The following MICAL3 variants were observed in gnomAD, a reference collection of about 807,000 sequenced individuals.
MICAL3 encodes [F-actin]-monooxygenase MICAL3.
A neutral mutation model predicts 207.4 loss-of-function variants in MICAL3; 62 were observed. The ratio of observed to expected loss-of-function variants is 0.30; its 90% CI spans 0.24 to 0.37. The LOEUF is 0.37. Among genes scored for constraint, MICAL3 ranks in the 10% least tolerant of loss-of-function variants. MICAL3 has a pLI of 1.00. For missense variants in MICAL3, 2,368 were observed against 2,635.6 expected (o/e 0.90, Z 2.22); for synonymous variants, 1,077 against 1,069.3 (o/e 1.01, Z -0.14).
chr22:17,963,973 TG>T (rs1314529993), intron 1 of MICAL3, among the ~76,000 whole-genome samples: 1 of 152,192 alleles, frequency 6.6e-6, no homozygotes, highest in Non-Finnish European at 1.5e-5. Flanking sequence ...TCGCAAATTT[TG>T]TAACACAATG....
At chr22:17,908,162 A>G (rs1456756461) in intron 1 of MICAL3, among the ~76,000 whole-genome samples, 2 of 152,210 alleles carry the variant, frequency 1.3e-5, no homozygotes, top group Non-Finnish European at 2.9e-5. Context: ...TCAGGGTGAC[A>G]AGACGAGTGT....
chr22:17,891,338 T>C (rs767981109), intron 12 of MICAL3, 147 bp downstream of exon 12: 2 of 662,162 alleles, frequency 3.0e-6, no homozygotes, highest in Non-Finnish European at 5.3e-6. Context: ...GAGTTTCAAA[T>C]ATAGTGAAAT....
At chr22:17,882,441 G>A (rs549957224) in intron 16 of MICAL3, among the ~76,000 whole-genome samples, 1 of 152,312 alleles carries the variant, frequency 6.6e-6, no homozygotes, top group Admixed American at 6.5e-5. Flanking sequence ...GGGAGATGCG[G>A]AGGGCCAGCC....
intron 1 of MICAL3, among the ~76,000 whole-genome samples, chr22:18,011,215 T>A (rs1923697104): frequency 6.6e-6 from 1 of 152,178 alleles, no homozygotes; most frequent in South Asian, 2.1e-4. Context: ...TCTAAAATCA[T>A]CTAGGCCCCT....
intron 10 of MICAL3, among the ~76,000 whole-genome samples, 172 bp from the exon 11 acceptor site, chr22:17,894,076 G>C (rs1010872582): frequency 6.6e-6 from 1 of 152,142 alleles, no homozygotes; most frequent in African/African-American, 2.4e-5. Flanking sequence ...TGGGGTTTGA[G>C]AAAAACAAAC....
chr22:18,018,938 T>C (rs1302811578), intron 1 of MICAL3, among the ~76,000 whole-genome samples: 1 of 152,190 alleles, frequency 6.6e-6, no homozygotes, highest in Non-Finnish European at 1.5e-5. Context: ...ACGCCTATAA[T>C]ACCAGTACTT....
At chr22:17,825,484 G>C (rs1458654158) in intron 22 of MICAL3, among the ~76,000 whole-genome samples, 1 of 152,008 alleles carries the variant, frequency 6.6e-6, no homozygotes, top group Non-Finnish European at 1.5e-5. Flanking sequence ...TTGCCCCACC[G>C]CCCTAGGGAC....
At chr22:18,018,861 C>T (rs1445188354) in intron 1 of MICAL3, among the ~76,000 whole-genome samples, 4 of 152,094 alleles carry the variant, frequency 2.6e-5, no homozygotes, top group South Asian at 2.1e-4. Context: ...CTTCACTACA[C>T]GTATACACTC....
At chr22:17,846,309 AG>A (rs1360476182) in intron 19 of MICAL3, among the ~76,000 whole-genome samples, 1 of 152,182 alleles carries the variant, frequency 6.6e-6, no homozygotes, top group Non-Finnish European at 1.5e-5. Context: ...TGGTACTCAG[AG>A]GACACTGGGC....
intron 1 of MICAL3, among the ~76,000 whole-genome samples, chr22:18,018,154 G>A (rs556285927): frequency 2.0e-5 from 3 of 152,108 alleles, no homozygotes; most frequent in East Asian, 1.9e-4. Flanking sequence ...GATTACAAGC[G>A]TGAGCCACTG....
At position 17,791,064 on chromosome 22, in the gene MICAL3, C is replaced by A; in HGVS notation, c.5758G>T (p.Glu1920Ter). The A allele has an allele frequency of 6.2e-7, 1 of 1,611,582 alleles. No homozygotes were observed. Reference protein sequence around the residue: ...YESELMIFARELELEDRQSRL... With the variant: ...YESELMIFAR ...CTCTGCCGGTCTTCCAGCTCCAGCT[C>A]CCGGGCACTGAGGAGGCAGGGCAGG... The change falls in exon 31 of 32, where the codon GAG becomes TAG. Residue 1920 changes from glutamate (E) to a stop codon, truncating the protein, a stop_gained. Coordinates refer to ENST00000441493, the MANE Select transcript of MICAL3 (RefSeq NM_015241.3). LOFTEE classifies it high-confidence loss of function.
At chr22:17,941,378 G>A (rs1192286742) in intron 1 of MICAL3, among the ~76,000 whole-genome samples, 4 of 152,204 alleles carry the variant, frequency 2.6e-5, no homozygotes, top group African/African-American at 7.2e-5. Context: ...GTGTGATCTT[G>A]AGCACATCCC....
chr22:17,866,608 C>CAAAATAGAATAGAATAGAAT (rs1556037400), intron 17 of MICAL3, among the ~76,000 whole-genome samples: 23 of 123,200 alleles, frequency 1.9e-4, no homozygotes, highest in African/African-American at 7.6e-4. Context: ...CAGCATAGAA[C>CAAAATAGAATAGAATAGAAT]AGAACAGAAT....
intron 29 of MICAL3, among the ~76,000 whole-genome samples, chr22:17,801,631 G>C (rs1016733095): frequency 2.0e-4 from 30 of 151,292 alleles, no homozygotes; most frequent in African/African-American, 6.8e-4. Flanking sequence ...CGGTGGCTCA[G>C]GCCTGTAATC....
chr22:17,814,459 A>T (rs1412059472), intron 27 of MICAL3: 2 of 152,208 alleles, frequency 1.3e-5, no homozygotes, highest in Non-Finnish European at 2.9e-5. Context: ...TGCCTTTATC[A>T]CTTGCAAGGA....
chr22:17,830,205 C>T lies in MICAL3; in HGVS notation c.3055+1649G>A, dbSNP rs949442396. Among the ~76,000 whole-genome samples, 6 of 152,204 alleles carry T rather than the reference C, an allele frequency of 3.9e-5. No individual in the cohort carries two copies. In the South Asian group the frequency reaches 1.2e-3, roughly 32 times the overall value. On this transcript the variant is annotated intron_variant, in intron 21 of 31. Coordinates refer to ENST00000441493, the MANE Select transcript of MICAL3 (RefSeq NM_015241.3). ...ACACAGCATCAGGAATCCCACAGCG[C>T]GATCAAGCAGGGAGGGAAGAGAAGG...
At chr22:17,957,566 C>T (rs917842290) in intron 1 of MICAL3, among the ~76,000 whole-genome samples, 1 of 152,032 alleles carries the variant, frequency 6.6e-6, no homozygotes, top group African/African-American at 2.4e-5. Context: ...AAAACATTAG[C>T]TGGGCATGGT....
intron 1 of MICAL3, among the ~76,000 whole-genome samples, chr22:17,939,944 G>A (rs1933730008): frequency 6.6e-6 from 1 of 152,168 alleles, no homozygotes; most frequent in African/African-American, 2.4e-5. Flanking sequence ...AGGCACAGAA[G>A]TATGTACATA....
chr22:17,885,324 G>A (rs1297745118), intron 16 of MICAL3, among the ~76,000 whole-genome samples: 2 of 152,190 alleles, frequency 1.3e-5, no homozygotes, highest in Non-Finnish European at 2.9e-5. Context: ...GCTAAGAGAA[G>A]CCTGATGCCC....
Sources: gnomAD v4.1 joint callset for allele counts (sites outside exome capture counted in the v4.1 genomes callset) on GRCh38, gnomAD v4.1.1 for gene constraint, MANE v1.5 for transcripts, NCBI Gene and HGNC (gene_info 2026-07-23, HGNC 2026-07-21) for gene names.